Variants in LRRC4C observed in about 807,000 individuals in gnomAD.
LRRC4C encodes leucine-rich repeat-containing protein 4C.
A neutral mutation model predicts 33.6 loss-of-function variants in LRRC4C; 5 were observed. The observed-to-expected ratio is 0.15, with a 90% CI of 0.08 to 0.31. The LOEUF (loss-of-function observed/expected upper bound fraction) is 0.31, where lower values mean the gene tolerates loss of function less well. Ranked by LOEUF, LRRC4C falls within the 10% of genes least tolerant of loss-of-function variation. LRRC4C has a pLI of 1.00. For synonymous variants in LRRC4C, 329 were observed against 302.0 expected (o/e 1.09, Z -0.93); for missense variants, 560 against 796.7 (o/e 0.70, Z 3.58).
At chr11:41,015,922 G>C (rs1855550872) in intron 1 of LRRC4C, among the ~76,000 whole-genome samples, 1 of 152,000 alleles carries the variant, frequency 6.6e-6, no homozygotes, top group Non-Finnish European at 1.5e-5. Context: ...CTCGGGAGGC[G>C]GAGCTTGCAG....
intron 1 of LRRC4C, among the ~76,000 whole-genome samples, chr11:41,178,018 T>A (rs1945279505): frequency 6.6e-6 from 1 of 152,164 alleles, no homozygotes; most frequent in Non-Finnish European, 1.5e-5. Flanking sequence ...CTATATAACA[T>A]GTCACCTCCT....
chr11:40,549,804 G>A (rs1405991667), intron 3 of LRRC4C, among the ~76,000 whole-genome samples: 4 of 152,010 alleles, frequency 2.6e-5, no homozygotes. Context: ...AAAGGGGATT[G>A]GATAAAGCAT....
intron 3 of LRRC4C, among the ~76,000 whole-genome samples, chr11:40,331,957 T>C (rs1004005852): frequency 6.6e-6 from 1 of 152,196 alleles, no homozygotes; most frequent in South Asian, 2.1e-4. Flanking sequence ...TTGGTTCAGC[T>C]TCTCTAGAGA....
chr11:40,379,492 A>T (rs1405786901), intron 3 of LRRC4C, among the ~76,000 whole-genome samples: 1 of 152,184 alleles, frequency 6.6e-6, no homozygotes, highest in African/African-American at 2.4e-5. Flanking sequence ...TAAAGACTAA[A>T]TTCAGAAGAG....
At chr11:40,654,694 G>A (rs573654672) in intron 2 of LRRC4C, among the ~76,000 whole-genome samples, 42 of 152,286 alleles carry the variant, frequency 2.8e-4, no homozygotes, top group Non-Finnish European at 3.2e-4. Context: ...GACTTTGGGG[G>A]ACTGTTGGAA....
chr11:40,854,953 C>T (rs547372312), intron 2 of LRRC4C, among the ~76,000 whole-genome samples: 31 of 152,000 alleles, frequency 2.0e-4, no homozygotes, highest in African/African-American at 6.3e-4. Context: ...TATGCTAAAA[C>T]GAATATTTAG....
intron 4 of LRRC4C, among the ~76,000 whole-genome samples, chr11:40,262,049 C>G (rs1289863890): frequency 6.6e-6 from 1 of 152,136 alleles, no homozygotes; most frequent in Admixed American, 6.6e-5. Flanking sequence ...AGGCAACCTA[C>G]AGAATGGGAG....
intron 3 of LRRC4C, among the ~76,000 whole-genome samples, chr11:40,639,773 G>T (rs550794192): frequency 3.0e-4 from 45 of 152,318 alleles, no homozygotes; most frequent in African/African-American, 9.9e-4. Flanking sequence ...TGGAGTTAAA[G>T]ATGTAAAATC....
At chr11:40,436,037 T>C (rs1162662693) in intron 3 of LRRC4C, among the ~76,000 whole-genome samples, 1 of 152,196 alleles carries the variant, frequency 6.6e-6, no homozygotes, top group Non-Finnish European at 1.5e-5. Context: ...TTAAGTCCTA[T>C]CCTTCTTTAA....
At chr11:41,243,878 C>T (rs1036316674) in intron 1 of LRRC4C, among the ~76,000 whole-genome samples, 1 of 152,036 alleles carries the variant, frequency 6.6e-6, no homozygotes, top group African/African-American at 2.4e-5. Flanking sequence ...ATGAATATCG[C>T]TATTATACAA....
intron 2 of LRRC4C, among the ~76,000 whole-genome samples, chr11:40,698,693 C>T (rs960446351): frequency 6.6e-6 from 1 of 152,076 alleles, no homozygotes; most frequent in Non-Finnish European, 1.5e-5. Context: ...CAAGACTGGG[C>T]AATGTATGAA....
intron 2 of LRRC4C, among the ~76,000 whole-genome samples, chr11:40,891,264 AAAC>A (rs749151549): frequency 7.2e-5 from 11 of 152,046 alleles, no homozygotes; most frequent in African/African-American, 1.2e-4. Context: ...AAACAAAATC[AAAC>A]AACAACAACA....
At chr11:40,868,102 T>G (rs1218646264) in intron 2 of LRRC4C, among the ~76,000 whole-genome samples, 1 of 152,170 alleles carries the variant, frequency 6.6e-6, no homozygotes, top group African/African-American at 2.4e-5. Flanking sequence ...CCTATGAGGC[T>G]TTTCTTGAGA....
chr11:40,963,797 A>G (rs181744123), intron 1 of LRRC4C, among the ~76,000 whole-genome samples: 1 of 151,912 alleles, frequency 6.6e-6, no homozygotes, highest in Non-Finnish European at 1.5e-5. Flanking sequence ...AAATAGAACC[A>G]CACACTCAAA....
At chr11:40,385,330 A>G (rs1393811921) in intron 3 of LRRC4C, among the ~76,000 whole-genome samples, 2 of 152,066 alleles carry the variant, frequency 1.3e-5, no homozygotes, top group Non-Finnish European at 2.9e-5. Flanking sequence ...AATAGAGAAA[A>G]CTTTTTTCAT....
chr11:41,279,381 A>AC (rs1949585573), intron 1 of LRRC4C, among the ~76,000 whole-genome samples: 11 of 126,454 alleles, frequency 8.7e-5, no homozygotes, highest in East Asian at 2.9e-4. Context: ...CACACACACA[A>AC]ACACACACAC....
chr11:41,290,521 A>T (rs1427593526), intron 1 of LRRC4C, among the ~76,000 whole-genome samples: 1 of 152,184 alleles, frequency 6.6e-6, no homozygotes, highest in African/African-American at 2.4e-5. Flanking sequence ...CTTGCTGCTG[A>T]ATGTATACTA....
intron 3 of LRRC4C, among the ~76,000 whole-genome samples, chr11:40,533,636 C>T (rs192935992): frequency 7.2e-4 from 109 of 152,196 alleles, no homozygotes; most frequent in African/African-American, 2.4e-3. Context: ...TCTCCACACA[C>T]GGTCATAAGG....
intron 1 of LRRC4C, among the ~76,000 whole-genome samples, chr11:41,456,184 C>T (rs1312589657): frequency 6.6e-6 from 1 of 152,144 alleles, no homozygotes; most frequent in African/African-American, 2.4e-5. Flanking sequence ...GGCTGATGCT[C>T]TTAGCCTATT....
Sources: allele counts gnomAD v4.1 joint callset (sites outside exome capture counted in the v4.1 genomes callset), GRCh38; gene constraint gnomAD v4.1.1; transcripts MANE v1.5; gene names NCBI Gene and HGNC (gene_info 2026-07-23, HGNC 2026-07-21).